GLDC: variants seen among roughly 807,000 people sequenced by gnomAD.
GLDC encodes the protein glycine decarboxylase.
In GLDC, 104 loss-of-function variants were observed where a neutral mutation model predicts 121.3. That is an observed-to-expected ratio of 0.86 (90% CI 0.73 to 1.01). GLDC has a LOEUF of 1.01. Ranked by LOEUF, GLDC falls within the 50% of genes least tolerant of loss-of-function variation. GLDC has a pLI of 0.00. For synonymous variants in GLDC, 546 were observed against 480.6 expected, an observed-to-expected ratio of 1.14 and a Z score of -1.78; for missense variants, 1,429 against 1,306.6, an observed-to-expected ratio of 1.09 and a Z score of -1.44.
chr9:6,591,975 C>A (rs1818384241), intron 11 of GLDC, 168 bp downstream of exon 11: 4 of 660,878 alleles, frequency 6.1e-6, no homozygotes, highest in South Asian at 5.0e-5. Flanking sequence ...ACAGCAGTGA[C>A]CTCCAGCTGT....
rs562246674 is a variant in GLDC at position 6,536,002 on chromosome 9, C to G, written c.2838+62G>C. The G allele has an allele frequency of 1.5e-5, 20 of 1,370,970 alleles. No individual in the cohort carries two copies. The African/African-American group carries it at 1.8e-4, about 13-fold the overall frequency. The allele number at this position is 1,370,970 out of a possible 1,614,324, so 84.9% of individuals were successfully genotyped here. On this transcript the variant is annotated intron_variant, in intron 23 of 24. Transcript: ENST00000321612. ...TGAGAGTTCGGGAGTTGCTGGTACA[C>G]TGTCCAGACATCATTTTCTAGTTTA...
At chr9:6,544,817 C>T (rs1351709267) in intron 21 of GLDC, among the ~76,000 whole-genome samples, 1 of 152,094 alleles carries the variant, frequency 6.6e-6, no homozygotes, top group South Asian at 2.1e-4. Context: ...AATGTATCAA[C>T]TTGCCGGGGC....
At chr9:6,584,537 A>G (rs1266743261) in intron 15 of GLDC, among the ~76,000 whole-genome samples, 1 of 151,766 alleles carries the variant, frequency 6.6e-6, no homozygotes, top group Non-Finnish European at 1.5e-5. Context: ...AATAGGATTG[A>G]AACAAGGTTA....
At chr9:6,620,922 C>T (rs1014158563) in intron 2 of GLDC, among the ~76,000 whole-genome samples, 1 of 152,200 alleles carries the variant, frequency 6.6e-6, no homozygotes. Context: ...AATCCCAGCA[C>T]TTTGAGAGGC....
At position 6,544,842 on chromosome 9, in the gene GLDC, G is replaced by T. The variant is rs192267945; in HGVS notation, c.2570-4696C>A. On this transcript the variant is annotated intron_variant, in intron 21 of 24. Coordinates refer to ENST00000321612, the MANE Select transcript of GLDC (RefSeq NM_000170.3). ...CTTGCCGGGGCAATGGCTCACACCT[G>T]TAATCCCAGCACTTTGGGAGGCCAA... Among the ~76,000 whole-genome samples, 888 of 152,200 alleles carry T rather than the reference G, an allele frequency of 5.8e-3. 9 individuals carry two copies. The highest frequency in any genetic ancestry group is 7.6e-3 in the Non-Finnish European group (519 of 68,006).
intron 23 of GLDC, 41 bp from the exon 24 acceptor site, chr9:6,534,829 C>T (rs757310776): frequency 2.8e-6 from 3 of 1,057,516 alleles, no homozygotes; most frequent in African/African-American, 1.6e-5. Context: ...CAGAGCAATA[C>T]ACTCTCTTCT....
At chr9:6,574,377 G>C (rs1249392046) in intron 15 of GLDC, among the ~76,000 whole-genome samples, 1 of 151,904 alleles carries the variant, frequency 6.6e-6, no homozygotes, top group Non-Finnish European at 1.5e-5. Flanking sequence ...CGAGACAGAA[G>C]GATGGCTTGA....
At chr9:6,540,993 C>G (rs919170034) in intron 21 of GLDC, 11 of 152,174 alleles carry the variant, frequency 7.2e-5, no homozygotes, top group Admixed American at 2.0e-4. Flanking sequence ...CCTAGCCCTA[C>G]TAAAAATAGA....
Position 6,645,280 on chromosome 9 carries a change from C to G in GLDC, c.220G>C (p.Asp74His), listed in dbSNP as rs760898592. 1 of 1,604,514 alleles carries G rather than the reference C, an allele frequency of 6.2e-7. No homozygotes were observed. Among genetic ancestry groups the G allele is most frequent in the South Asian group, 1.1e-5 (1 of 89,796 alleles). The change falls in exon 1 of 25, where the codon GAC becomes CAC. Residue 74 changes from aspartate (D) to histidine (H), a missense_variant. Transcript: ENST00000321612. ...ARRHIGPGDKDQREMLQTLGL... is the reference protein window; with the variant it reads ...ARRHIGPGDKHQREMLQTLGL... The stretch of plus-strand genomic sequence containing the variant: ...AAGGTCTGCAGCATCTCTCTCTGGT[C>G]TTTGTCCCCAGGGCCGATGTGCCTC...
chr9:6,563,471 C>G (rs900863437), intron 16 of GLDC, among the ~76,000 whole-genome samples: 1 of 152,112 alleles, frequency 6.6e-6, no homozygotes, highest in Non-Finnish European at 1.5e-5. Flanking sequence ...CTGGGCACCT[C>G]GTGGTGAAAG....
At chr9:6,547,578 T>C (rs896976545) in intron 21 of GLDC, among the ~76,000 whole-genome samples, 15 of 152,146 alleles carry the variant, frequency 9.9e-5, no homozygotes, top group African/African-American at 3.6e-4. Context: ...GTCAAAAGCT[T>C]CAGTGCATTT....
chr9:6,620,237 A>G lies in GLDC; in HGVS notation c.417T>C (p.Tyr139=), dbSNP rs1819060439. The G allele has an allele frequency of 6.2e-7, 1 of 1,613,352 alleles. No individual in the cohort carries two copies. The highest frequency in any genetic ancestry group is 1.3e-5 in the African/African-American group (1 of 74,924). ...IWRSYIGMGY[Y]NCSVPQTILR... ...AAATCGTCTGTGGCACTGAGCAGTTATAATAGCCCATGCCAATATACGATC... is the reference window on the plus strand; with the variant it reads ...AAATCGTCTGTGGCACTGAGCAGTTGTAATAGCCCATGCCAATATACGATC... The change falls in exon 3 of 25, where the codon TAT becomes TAC. Residue 139 remains tyrosine, a synonymous_variant. Coordinates refer to ENST00000321612, the MANE Select transcript of GLDC (RefSeq NM_000170.3).
At chr9:6,579,058 AGGG>A (rs2129804722) in intron 15 of GLDC, among the ~76,000 whole-genome samples, 1 of 152,322 alleles carries the variant, frequency 6.6e-6, no homozygotes, top group Admixed American at 6.5e-5. Context: ...TTGTTGACAC[AGGG>A]TAGCATATAC....
At position 6,592,263 on chromosome 9, in the gene GLDC, A is replaced by T. The variant is rs770763234; in HGVS notation, c.1402-40T>A. ...ACAAAATGGAAAACATCAACTCTAA[A>T]CTCCACATCACTGGAGGAATCCCAA... On this transcript the variant is annotated intron_variant, in intron 10 of 24. Transcript: ENST00000321612. 1.2e-5 allele frequency: 14 copies of T among 1,183,196 alleles called. No homozygotes were observed. In the South Asian group the frequency reaches 1.7e-4, roughly 14 times the overall value. 73.3% of individuals were successfully genotyped at this position (1,183,196 alleles called of 1,614,324 possible). A position where few individuals can be genotyped will look rare whatever the true frequency, so the allele number is the denominator to read the frequency against.
intron 3 of GLDC, among the ~76,000 whole-genome samples, chr9:6,612,900 G>A (rs537720278): frequency 3.3e-5 from 5 of 152,072 alleles, no homozygotes; most frequent in African/African-American, 1.2e-4. Context: ...AGGATAGTTT[G>A]AGGCTGCAAT....
intron 2 of GLDC, among the ~76,000 whole-genome samples, chr9:6,632,962 G>T (rs1445001650): frequency 6.6e-6 from 1 of 151,832 alleles, no homozygotes; most frequent in Non-Finnish European, 1.5e-5. Context: ...TCGCCACCCA[G>T]ATGCTCTCAG....
intron 19 of GLDC, 81 bp downstream of exon 19, chr9:6,554,588 T>C: frequency 1.0e-6 from 1 of 974,798 alleles, no homozygotes; most frequent in South Asian, 1.4e-5. Context: ...ATGAAGACTT[T>C]GATGGGATGA....
intron 8 of GLDC, among the ~76,000 whole-genome samples, chr9:6,597,930 CTCCA>C (rs1357881169): frequency 7.4e-6 from 1 of 135,594 alleles, no homozygotes. Context: ...CGAGACTCGT[CTCCA>C]AAAAAAAAAG....
At chr9:6,634,547 AC>A (rs1363115597) in intron 2 of GLDC, among the ~76,000 whole-genome samples, 2,956 of 114,102 alleles carry the variant, frequency 0.026, 98 homozygotes, top group African/African-American at 0.095. Flanking sequence ...AAACAAACAA[AC>A]AAACAAAAAA....
Sources: allele counts gnomAD v4.1 joint callset (sites outside exome capture counted in the v4.1 genomes callset), GRCh38; gene constraint gnomAD v4.1.1; transcripts MANE v1.5; gene names NCBI Gene and HGNC (gene_info 2026-07-23, HGNC 2026-07-21).